The following THAP6 variants were observed in gnomAD, a reference collection of about 807,000 sequenced individuals.
THAP6 encodes the protein THAP domain-containing protein 6.
In THAP6, 13 loss-of-function variants were observed where a neutral mutation model predicts 20.0. That is an observed-to-expected ratio of 0.65 (90% CI 0.42 to 1.03). The LOEUF is 1.03. Among genes scored for constraint, THAP6 ranks in the 50% least tolerant of loss-of-function variants. The pLI is 0.00. For missense variants in THAP6, 262 were observed against 261.6 expected, an observed-to-expected ratio of 1.00 and a Z score of -0.01; for synonymous variants, 93 against 92.2, an observed-to-expected ratio of 1.01 and a Z score of -0.05.
chr4:75,521,520 T>C (rs1315973402), intron 3 of THAP6, among the ~76,000 whole-genome samples: 1 of 152,096 alleles, frequency 6.6e-6, no homozygotes, highest in African/African-American at 2.4e-5. Context: ...TGTAGGGTGT[T>C]TCCTTTTTAG....
Position 75,521,862 on chromosome 4 carries a change from G to T in THAP6, c.414+1G>T, listed in dbSNP as rs746313876. The stretch of plus-strand genomic sequence containing the variant: ...AGAATTCCAATCCCAGTTCATTTTT[G>T]TAAGTAAATTACTTGCTGAGCTCAT... On this transcript the variant is annotated splice_donor_variant, in intron 4 of 4. Coordinates refer to ENST00000311638, the MANE Select transcript of THAP6 (RefSeq NM_144721.6). LOFTEE classifies it high-confidence loss of function. 1.9e-6 allele frequency: 3 copies of T among 1,613,128 alleles called. No homozygotes were observed. The Admixed American group carries it at 5.0e-5, about 27-fold the overall frequency.
chr4:75,528,383 C>A lies in THAP6; in HGVS notation c.*1169C>A, dbSNP rs1416518208. ...TAAATACTGTGGGTTAGAATAAAAA[C>A]CATTTGCCAAAGCAACACTCTACTT... is the stretch of plus-strand genomic sequence containing the variant. On this transcript the variant is annotated 3_prime_UTR_variant, in exon 5 of 5. Coordinates refer to ENST00000311638, the MANE Select transcript of THAP6 (RefSeq NM_144721.6). 1.0e-6 allele frequency: 1 copy of A among 985,232 alleles called. No individual in the cohort carries two copies. Among genetic ancestry groups the A allele is most frequent in the Non-Finnish European group, 1.2e-6 (1 of 829,930 alleles). The allele number at this position is 985,232 out of a possible 1,614,324, so 61.0% of individuals were successfully genotyped here.
Position 75,524,229 on chromosome 4 carries a change from T to C in THAP6, c.414+2368T>C, listed in dbSNP as rs74881515. On this transcript the variant is annotated intron_variant, in intron 4 of 4. Coordinates refer to ENST00000311638, the MANE Select transcript of THAP6 (RefSeq NM_144721.6). ...ATCTTATAGTCGTATACTTTCGTTTTTCCTTTCTCAATCTTTGTGCTATTG... is the reference window on the plus strand; with the variant it reads ...ATCTTATAGTCGTATACTTTCGTTTCTCCTTTCTCAATCTTTGTGCTATTG... 9.2e-5 allele frequency among the ~76,000 whole-genome samples: 14 copies of C among 152,384 alleles called. No individual in the cohort carries two copies. The East Asian group carries it at 2.7e-3, about 29-fold the overall frequency.
chr4:75,538,406 A>C (rs1726925037), intron 2 of THAP6, among the ~76,000 whole-genome samples: 1 of 151,832 alleles, frequency 6.6e-6, no homozygotes, highest in African/African-American at 2.4e-5. Context: ...AAACAGGAAC[A>C]TAAGAATGTC....
upstream of THAP6, chr4:75,514,104 C>G: frequency 6.5e-7 from 1 of 1,531,916 alleles, no homozygotes; most frequent in South Asian, 1.2e-5. Context: ...TCAGGTTAAC[C>G]TCAAACTTAA....
At chr4:75,514,463 A>G (rs1193714597), upstream of THAP6, 3 of 624,550 alleles carry the variant, frequency 4.8e-6, no homozygotes, top group Non-Finnish European at 8.0e-6. Context: ...TACGAGGCGG[A>G]AGCGAAGGCA....
At chr4:75,522,026 G>A (rs1019717533) in intron 4 of THAP6, 165 bp downstream of exon 4, 1 of 715,184 alleles carries the variant, frequency 1.4e-6, no homozygotes, top group East Asian at 2.8e-5. Context: ...ATATGCAACA[G>A]CAAAATAGAG....
At chr4:75,523,471 C>T (rs1033544980) in intron 4 of THAP6, among the ~76,000 whole-genome samples, 6 of 152,090 alleles carry the variant, frequency 3.9e-5, no homozygotes, top group East Asian at 1.9e-4. Flanking sequence ...CCCATTTGTC[C>T]GTTTTGCTTT....
chr4:75,531,678 A>G (rs552338975), downstream of THAP6, among the ~76,000 whole-genome samples: 21 of 152,298 alleles, frequency 1.4e-4, no homozygotes, highest in South Asian at 3.3e-3. Flanking sequence ...ATAGTTCCAC[A>G]TGGCTGGGGA....
intron 2 of THAP6, 70 bp downstream of exon 2, chr4:75,515,602 A>T (rs564228069): frequency 2.0e-6 from 3 of 1,513,100 alleles, no homozygotes; most frequent in South Asian, 2.3e-5. Flanking sequence ...GTTCTACTTA[A>T]GTCTTCAATT....
At chr4:75,531,231 G>A (rs1025314731), downstream of THAP6, among the ~76,000 whole-genome samples, 5 of 152,162 alleles carry the variant, frequency 3.3e-5, no homozygotes, top group African/African-American at 9.7e-5. Flanking sequence ...GTAAAGGGGG[G>A]CTGTATGACC....
chr4:75,522,510 T>C (rs2148814710), intron 4 of THAP6: 1 of 152,280 alleles, frequency 6.6e-6, no homozygotes, highest in African/African-American at 2.4e-5. Flanking sequence ...CGTCACCCCA[T>C]TGTACTATCA....
rs1302217446 is a variant in THAP6, at chr4:75,529,003, A to C, written c.*1789A>C. 3 of 617,624 alleles carry C rather than the reference A, an allele frequency of 4.9e-6. No homozygotes were observed. The highest frequency in any genetic ancestry group is 6.1e-6 in the Non-Finnish European group (3 of 494,610). The allele number at this position is 617,624 out of a possible 1,614,324, so 38.3% of individuals were successfully genotyped here. On this transcript the variant is annotated 3_prime_UTR_variant, in exon 5 of 5. Coordinates refer to ENST00000311638, the MANE Select transcript of THAP6 (RefSeq NM_144721.6). Reference sequence around the variant, plus strand: ...GGGAGGCGGAGATTGCAGTGAGCCAAGATCACGCCGTTGCACTCCAGCCTG... The same window carrying C: ...GGGAGGCGGAGATTGCAGTGAGCCACGATCACGCCGTTGCACTCCAGCCTG...
rs1726443733 is a variant in THAP6 at position 75,527,276 on chromosome 4, T to C, written c.*62T>C. 4.5e-6 allele frequency: 7 copies of C among 1,561,514 alleles called. No individual in the cohort carries two copies. The Admixed American group carries it at 1.1e-4, about 25-fold the overall frequency. ...TGGTACAAATTTTTATAAAATCTCA[T>C]TTACCATCACTAAATAATATCCATC... On this transcript the variant is annotated 3_prime_UTR_variant, in exon 5 of 5. Coordinates refer to ENST00000311638, the MANE Select transcript of THAP6 (RefSeq NM_144721.6).
chr4:75,538,641 TTCATAGG>T (rs775866590), intron 2 of THAP6, among the ~76,000 whole-genome samples: 26 of 152,344 alleles, frequency 1.7e-4, no homozygotes, highest in Non-Finnish European at 2.6e-4. Flanking sequence ...GACTACCCTC[TTCATAGG>T]TCTCATTATT....
chr4:75,542,039 T>C (rs1341159152), intron 2 of THAP6, among the ~76,000 whole-genome samples: 1 of 152,170 alleles, frequency 6.6e-6, no homozygotes, highest in East Asian at 1.9e-4. Context: ...ATCATCCCCC[T>C]GGGACATTGG....
chr4:75,518,951 GTGCT>G, intron 3 of THAP6, among the ~76,000 whole-genome samples: 2 of 152,270 alleles, frequency 1.3e-5, no homozygotes, highest in South Asian at 4.2e-4. Flanking sequence ...TTGTGGAAGA[GTGCT>G]TGTAAGTGTA....
chr4:75,542,162 G>C (rs959027958), intron 2 of THAP6, among the ~76,000 whole-genome samples: 5 of 152,122 alleles, frequency 3.3e-5, no homozygotes, highest in African/African-American at 9.7e-5. Flanking sequence ...AGAAACCACT[G>C]TCTGGGTAGG....
downstream of THAP6, among the ~76,000 whole-genome samples, chr4:75,531,165 GGT>G (rs1438013926): frequency 6.6e-6 from 1 of 152,178 alleles, no homozygotes; most frequent in African/African-American, 2.4e-5. Flanking sequence ...CAGACAAGGT[GGT>G]TTATGCAGAA....
Sources: gnomAD v4.1 joint callset for allele counts (sites outside exome capture counted in the v4.1 genomes callset) on GRCh38, gnomAD v4.1.1 for gene constraint, MANE v1.5 for transcripts, NCBI Gene and HGNC (gene_info 2026-07-23, HGNC 2026-07-21) for gene names.